The following OXSR1 variants were observed in gnomAD, a reference collection of about 807,000 sequenced individuals.
The protein encoded by OXSR1 is oxidative stress responsive kinase 1.
OXSR1 carries 24 observed loss-of-function variants against 79.8 expected under a neutral mutation model. The ratio of observed to expected loss-of-function variants is 0.30; its 90% confidence interval spans 0.22 to 0.42. The LOEUF is 0.42. Among genes scored for constraint, OXSR1 ranks in the 10% least tolerant of loss-of-function variants. The probability of loss-of-function intolerance (pLI) is 1.00; values close to 1 mark genes in which losing one functional copy is unlikely to be tolerated. For missense variants in OXSR1, 430 were observed against 618.4 expected (o/e 0.70, Z 3.23); for synonymous variants, 226 against 209.2 (o/e 1.08, Z -0.69).
At chr3:38,221,760 GC>G (rs1225166118) in intron 6 of OXSR1, 73 bp downstream of exon 6, 8 of 840,284 alleles carry the variant, frequency 9.5e-6, no homozygotes, top group Non-Finnish European at 1.6e-5. Context: ...AATAGTGCTT[GC>G]TTTTCTTTGG....
At chr3:38,243,574 G>T (rs531131725) in intron 12 of OXSR1, among the ~76,000 whole-genome samples, 25 of 152,120 alleles carry the variant, frequency 1.6e-4, no homozygotes, top group Non-Finnish European at 3.2e-4. Context: ...CTTATTTCCG[G>T]CAGCATCTTC....
chr3:38,175,509 C>G (rs1047331553), intron 1 of OXSR1, among the ~76,000 whole-genome samples: 2 of 152,100 alleles, frequency 1.3e-5, no homozygotes, highest in African/African-American at 4.8e-5. Context: ...CTGTGTTGGC[C>G]AGGCTGGTCT....
At chr3:38,188,005 A>G (rs913095756) in intron 2 of OXSR1, among the ~76,000 whole-genome samples, 1 of 152,220 alleles carries the variant, frequency 6.6e-6, no homozygotes, top group Non-Finnish European at 1.5e-5. Context: ...GGAGGAAAGG[A>G]TAACTCTACT....
chr3:38,194,860 A>C (rs1229722578), intron 3 of OXSR1, among the ~76,000 whole-genome samples: 1 of 152,242 alleles, frequency 6.6e-6, no homozygotes, highest in Non-Finnish European at 1.5e-5. Flanking sequence ...TATTGAAAAC[A>C]AAAGCACAGT....
chr3:38,224,156 A>G (rs1702643279), intron 7 of OXSR1, among the ~76,000 whole-genome samples: 1 of 152,210 alleles, frequency 6.6e-6, no homozygotes, highest in Admixed American at 6.5e-5. Context: ...TACCCATTAA[A>G]TAGTAACTCT....
At position 38,254,488 on chromosome 3, in the gene OXSR1, A is replaced by G. The variant is rs1381530233; in HGVS notation, c.*1597A>G. The G allele has an allele frequency of 5.4e-6, 2 of 373,370 alleles. No homozygotes were observed. The highest frequency in any genetic ancestry group is 4.2e-5 in the African/African-American group (2 of 48,138). 23.1% of individuals were successfully genotyped at this position (373,370 alleles called of 1,614,324 possible). A position where few individuals can be genotyped will look rare whatever the true frequency, so the allele number is the denominator to read the frequency against. ...AGGAGAGTAGGTGAGATGATCAGAC[A>G]CCGGAGTTCAACGTCCCAGCAGTCT... is the stretch of plus-strand genomic sequence containing the variant. On this transcript the variant is annotated 3_prime_UTR_variant, in exon 18 of 18. Coordinates refer to ENST00000311806, the MANE Select transcript of OXSR1 (RefSeq NM_005109.3).
chr3:38,245,814 G>T (rs184686132), intron 12 of OXSR1, among the ~76,000 whole-genome samples: 1 of 152,162 alleles, frequency 6.6e-6, no homozygotes, highest in East Asian at 1.9e-4. Context: ...TCTATATATG[G>T]TACAAAAATC....
intron 1 of OXSR1, among the ~76,000 whole-genome samples, chr3:38,170,053 A>AT (rs201455410): frequency 2.7e-5 from 4 of 146,940 alleles, no homozygotes; most frequent in South Asian, 2.2e-4. Flanking sequence ...TATTATTATT[A>AT]TTTTTTTTTG....
At chr3:38,174,411 ATC>A (rs948249266) in intron 1 of OXSR1, among the ~76,000 whole-genome samples, 73 of 152,236 alleles carry the variant, frequency 4.8e-4, no homozygotes, top group African/African-American at 1.7e-3. Context: ...GTGAAACCCC[ATC>A]TCTACTAAAA....
chr3:38,172,236 T>C (rs1050822712), intron 1 of OXSR1, among the ~76,000 whole-genome samples: 28 of 152,212 alleles, frequency 1.8e-4, no homozygotes, highest in African/African-American at 5.8e-4. Flanking sequence ...CATTATTGCA[T>C]TTATTTTATT....
chr3:38,224,848 A>T (rs1702659385), intron 8 of OXSR1, 144 bp downstream of exon 8: 1 of 561,676 alleles, frequency 1.8e-6, no homozygotes, highest in Non-Finnish European at 3.0e-6. Flanking sequence ...ATTATACTGG[A>T]TTGGAAATGA....
chr3:38,169,479 TG>T (rs1701533930), intron 1 of OXSR1, among the ~76,000 whole-genome samples: 1 of 152,084 alleles, frequency 6.6e-6, no homozygotes, highest in South Asian at 2.1e-4. Flanking sequence ...CTAATTTTTG[TG>T]TTTTTAGTAA....
rs1237937493 is a variant in OXSR1, at chr3:38,254,703, T to C, written c.*1812T>C. The C allele has an allele frequency of 6.5e-6, 1 of 153,700 alleles. No homozygotes were observed. The highest frequency in any genetic ancestry group is 1.4e-5 in the Non-Finnish European group (1 of 69,428). 9.5% of individuals were successfully genotyped at this position (153,700 alleles called of 1,614,324 possible). A position where few individuals can be genotyped will look rare whatever the true frequency, so the allele number is the denominator to read the frequency against. On this transcript the variant is annotated 3_prime_UTR_variant, in exon 18 of 18. Coordinates refer to ENST00000311806, the MANE Select transcript of OXSR1 (RefSeq NM_005109.3). ...TGGCACAAGACTAGTGGCTTACCGC[T>C]TACCTTAGAGTTTTGTTTTTTTTTT...
intron 6 of OXSR1, 34 bp from the exon 7 acceptor site, chr3:38,223,778 C>T: frequency 1.4e-6 from 2 of 1,479,132 alleles, no homozygotes; most frequent in East Asian, 2.3e-5. Context: ...TCCTTTTATG[C>T]TGGTAAAAAT....
Position 38,236,773 on chromosome 3 carries a change from A to G in OXSR1, c.952-66A>G, listed in dbSNP as rs34302924. On this transcript the variant is annotated intron_variant, in intron 10 of 17. Coordinates refer to ENST00000311806, the MANE Select transcript of OXSR1 (RefSeq NM_005109.3). ...ATTGAAGTGATAGAAGAAGAGAGAAATATGGAGTTTTCTACTTAGTAAGCA... is the reference window on the plus strand; with the variant it reads ...ATTGAAGTGATAGAAGAAGAGAGAAGTATGGAGTTTTCTACTTAGTAAGCA... The G allele has an allele frequency of 4.0e-4, 568 of 1,411,604 alleles. 2 individuals carry two copies. In the African/African-American group the frequency reaches 7.3e-3, roughly 18 times the overall value. The allele number at this position is 1,411,604 out of a possible 1,614,324, so 87.4% of individuals were successfully genotyped here.
chr3:38,240,297 A>T (rs750126737), intron 11 of OXSR1, among the ~76,000 whole-genome samples: 2 of 152,154 alleles, frequency 1.3e-5, no homozygotes, highest in Non-Finnish European at 2.9e-5. Context: ...GAAATGAGTA[A>T]ATGTCTCAAT....
upstream of OXSR1, chr3:38,165,220 G>T (rs1399945943): frequency 6.6e-6 from 1 of 152,386 alleles, no homozygotes; most frequent in Non-Finnish European, 1.5e-5. Flanking sequence ...CGACGACGGA[G>T]ACAGCAGCGT....
Position 38,198,190 on chromosome 3 carries a change from T to G in OXSR1, c.293-532T>G, listed in dbSNP as rs34069592. ...AGAACTGTTATTTTTATTCTTTTTG[T>G]ATTTGTCTTTGCCTTAGCTCTTTTA... On this transcript the variant is annotated intron_variant, in intron 3 of 17. Coordinates refer to ENST00000311806, the MANE Select transcript of OXSR1 (RefSeq NM_005109.3). 2.9e-3 allele frequency among the ~76,000 whole-genome samples: 439 copies of G among 152,360 alleles called. 1 individual carries two copies. The highest frequency in any genetic ancestry group is 9.9e-3 in the African/African-American group (410 of 41,590).
chr3:38,189,731 G>A (rs1489083111), intron 2 of OXSR1, among the ~76,000 whole-genome samples: 1 of 152,176 alleles, frequency 6.6e-6, no homozygotes, highest in African/African-American at 2.4e-5. Context: ...AATGATATGT[G>A]CTAAGAACAG....
Sources: gnomAD v4.1 joint callset for allele counts (sites outside exome capture counted in the v4.1 genomes callset) on GRCh38, gnomAD v4.1.1 for gene constraint, MANE v1.5 for transcripts, NCBI Gene and HGNC (gene_info 2026-07-23, HGNC 2026-07-21) for gene names.